The following DLGAP4 variants were observed in gnomAD, a reference collection of about 807,000 sequenced individuals.
DLGAP4 encodes the protein disks large-associated protein 4.
DLGAP4 carries 18 observed loss-of-function variants against 86.9 expected under a neutral mutation model. The observed-to-expected ratio is 0.21, with a 90% CI of 0.14 to 0.31. DLGAP4 has a LOEUF of 0.31. DLGAP4 is among the 10% of genes least tolerant of loss of function. The pLI, the probability that DLGAP4 is intolerant of heterozygous loss-of-function variation, is 1.00. For synonymous variants in DLGAP4, 548 were observed against 574.3 expected, an observed-to-expected ratio of 0.95 and a Z score of 0.65; for missense variants, 1,085 against 1,362.6, an observed-to-expected ratio of 0.80 and a Z score of 3.21.
In DLGAP4 at chr20:36,500,819, A is replaced by G. The variant is rs1214935172; in HGVS notation, c.2512+208A>G. ...CTCTTTCCAGAAAGGGTTGCTGGTGATAGCTGTTTGTTGTGCAGGCTGTGA... is the reference window on the plus strand; with the variant it reads ...CTCTTTCCAGAAAGGGTTGCTGGTGGTAGCTGTTTGTTGTGCAGGCTGTGA... On this transcript the variant is annotated intron_variant, in intron 10 of 12. Coordinates refer to ENST00000339266, the MANE Select transcript of DLGAP4 (RefSeq NM_001365621.2). This position sits in a 1 kb window ranked among gnomAD's most constrained non-coding sequence, Gnocchi z 4.6. Among the ~76,000 whole-genome samples, 3 of 152,104 alleles carry G rather than the reference A, an allele frequency of 2.0e-5. No individual in the cohort carries two copies. The East Asian group carries it at 5.8e-4, about 29-fold the overall frequency.
chr20:36,399,288 T>C (rs1294289944), intron 2 of DLGAP4, among the ~76,000 whole-genome samples: 1 of 152,160 alleles, frequency 6.6e-6, no homozygotes, highest in Non-Finnish European at 1.5e-5. Flanking sequence ...TTCAAGAGAA[T>C]TGGGTTCCAG....
chr20:36,488,199 C>CA (rs1287983679), intron 7 of DLGAP4, among the ~76,000 whole-genome samples: 929 of 62,112 alleles, frequency 0.015, 8 homozygotes, highest in Middle Eastern at 0.038. Flanking sequence ...GACTCTGTCT[C>CA]AAAAAAAAAA....
chr20:36,346,373 G>A (rs1453367609), intron 1 of DLGAP4, among the ~76,000 whole-genome samples: 15 of 152,264 alleles, frequency 9.9e-5, no homozygotes, highest in African/African-American at 3.6e-4. Context: ...TCTGGGACAG[G>A]CACTGGAAGC....
chr20:36,358,097 G>A (rs1021642326), intron 1 of DLGAP4, among the ~76,000 whole-genome samples: 4 of 152,194 alleles, frequency 2.6e-5, no homozygotes, highest in Non-Finnish European at 4.4e-5. Flanking sequence ...GCCATGTCCC[G>A]GGGTTTAGGG....
At chr20:36,411,327 G>A (rs1268724658) in intron 2 of DLGAP4, among the ~76,000 whole-genome samples, 1 of 152,092 alleles carries the variant, frequency 6.6e-6, no homozygotes, top group Non-Finnish European at 1.5e-5. Context: ...GCTTCTCGGA[G>A]AACCCAAATC....
At chr20:36,389,229 C>G (rs2031706557) in intron 2 of DLGAP4, among the ~76,000 whole-genome samples, 1 of 152,154 alleles carries the variant, frequency 6.6e-6, no homozygotes, top group African/African-American at 2.4e-5. Context: ...TGGGGGTCAT[C>G]AGACCTTCCC....
At chr20:36,413,589 G>GTT (rs1217549334) in intron 2 of DLGAP4, among the ~76,000 whole-genome samples, 1 of 139,254 alleles carries the variant, frequency 7.2e-6, no homozygotes. Context: ...CTAATTTTTT[G>GTT]TTTTTTTTTT....
chr20:36,467,194 T>G (rs913616056), intron 7 of DLGAP4, among the ~76,000 whole-genome samples: 28 of 152,126 alleles, frequency 1.8e-4, no homozygotes, highest in African/African-American at 5.1e-4. Flanking sequence ...CCTACAATTA[T>G]GAGAGACTGT....
At chr20:36,450,320 A>G (rs1234645213) in intron 7 of DLGAP4, among the ~76,000 whole-genome samples, 3 of 152,212 alleles carry the variant, frequency 2.0e-5, no homozygotes, top group African/African-American at 2.4e-5. Flanking sequence ...CAACATGGCG[A>G]AACCCTGTCT....
At position 36,526,919 on chromosome 20, in the gene DLGAP4, C is replaced by A; in HGVS notation, c.2867C>A (p.Ala956Asp). 2 of 1,613,688 alleles carry A rather than the reference C, an allele frequency of 1.2e-6. No individual in the cohort carries two copies. The highest frequency in any genetic ancestry group is 1.7e-6 in the Non-Finnish European group (2 of 1,179,878). Residue 956 changes from alanine to aspartate, a missense_variant, in exon 13 of 13, where the codon GCC (alanine) becomes GAC (aspartate). By Grantham distance (126) the Ala-to-Asp change is moderately radical. Coordinates refer to ENST00000339266, the MANE Select transcript of DLGAP4 (RefSeq NM_001365621.2). ...GCCAGCGACAAGCAGCGCCAGGAGGCCCGCAAGAGACTCCTGGCGGCCAAG... is the reference window on the plus strand; with the variant it reads ...GCCAGCGACAAGCAGCGCCAGGAGGACCGCAAGAGACTCCTGGCGGCCAAG... ...SDASDKQRQEARKRLLAAKRA... is the reference protein window; with the variant it reads ...SDASDKQRQEDRKRLLAAKRA...
rs1383895127 is a variant in DLGAP4, at chr20:36,414,696, G to A, written c.-72-16950G>A. ...GACATTCCACAACTCACAGGCTTTA[G>A]AGAGTATTCCATGGGGGCTCCAGGG... On this transcript the variant is annotated intron_variant, in intron 2 of 12. Transcript: ENST00000339266. Among the ~76,000 whole-genome samples, 3 of 152,196 alleles carry A rather than the reference G, an allele frequency of 2.0e-5. No homozygotes were observed. The South Asian group carries it at 6.2e-4, about 32-fold the overall frequency.
intron 1 of DLGAP4, among the ~76,000 whole-genome samples, chr20:36,328,836 C>T (rs57112521): frequency 0.075 from 11,337 of 150,850 alleles, 1,178 homozygotes; most frequent in African/African-American, 0.23. Flanking sequence ...AATACAGTGG[C>T]GCGATCTTGG....
intron 7 of DLGAP4, among the ~76,000 whole-genome samples, chr20:36,488,036 C>T (rs1236567977): frequency 6.6e-6 from 1 of 151,832 alleles, no homozygotes; most frequent in Non-Finnish European, 1.5e-5. Context: ...CCCGTCTCTA[C>T]TAAAAATACA....
chr20:36,467,875 A>G (rs563252802), intron 7 of DLGAP4, among the ~76,000 whole-genome samples: 1 of 152,378 alleles, frequency 6.6e-6, no homozygotes, highest in Non-Finnish European at 1.5e-5. Flanking sequence ...AGCCAGAGGC[A>G]GATGGACTTC....
At chr20:36,372,974 C>G (rs1315290457) in intron 2 of DLGAP4, among the ~76,000 whole-genome samples, 2 of 152,066 alleles carry the variant, frequency 1.3e-5, no homozygotes, top group South Asian at 4.1e-4. Flanking sequence ...AACAGGATAT[C>G]TACTTAGGTA....
rs1401850348 is a variant in DLGAP4, at chr20:36,429,405, T to A, written c.-72-2241T>A. 7.2e-5 allele frequency among the ~76,000 whole-genome samples: 10 copies of A among 139,308 alleles called. 1 individual carries two copies. The highest frequency in any genetic ancestry group is 2.2e-4 in the Admixed American group (3 of 13,854). The allele number at this position is 139,308 out of a possible 152,430, so 91.4% of individuals were successfully genotyped here. On this transcript the variant is annotated intron_variant, in intron 2 of 12. Transcript: ENST00000339266. The stretch of plus-strand genomic sequence containing the variant: ...ATTCCTGTTTCTTTTTTTCTTTTTT[T>A]TTTTTTTTTTTTTTTTTGAGACAGA...
rs192437164 is a variant in DLGAP4, at chr20:36,327,224, T to C, written c.-304+20712T>C. On this transcript the variant is annotated intron_variant, in intron 1 of 12. Transcript: ENST00000339266. The stretch of plus-strand genomic sequence containing the variant: ...CATGTTGGCCGGGCTGGTCTTGAAC[T>C]CCTGACCTCAAGTGATTCACCCACC... Among the ~76,000 whole-genome samples the C allele has an allele frequency of 6.6e-5, 10 of 152,158 alleles. No individual in the cohort carries two copies. In the East Asian group the frequency reaches 1.9e-3, roughly 29 times the overall value.
intron 11 of DLGAP4, among the ~76,000 whole-genome samples, chr20:36,525,294 T>G (rs2037675954): frequency 7.3e-6 from 1 of 136,204 alleles, no homozygotes; most frequent in Admixed American, 7.7e-5. Flanking sequence ...CTTGGCTTTC[T>G]CCCTCCCTCT....
chr20:36,382,469 C>T (rs555271819), intron 2 of DLGAP4, among the ~76,000 whole-genome samples: 2 of 151,526 alleles, frequency 1.3e-5, no homozygotes, highest in Middle Eastern at 3.4e-3. Flanking sequence ...TCTAACGATC[C>T]TCCTGCCTTG....
Sources: gnomAD v4.1 joint callset for allele counts (sites outside exome capture counted in the v4.1 genomes callset) on GRCh38, gnomAD v4.1.1 for gene constraint, Gnocchi (gnomAD v3.1) non-coding constraint, MANE v1.5 for transcripts, NCBI Gene and HGNC (gene_info 2026-07-23, HGNC 2026-07-21) for gene names.